C22orf42: variants seen among roughly 807,000 people sequenced by gnomAD.
The protein encoded by C22orf42 is chromosome 22 open reading frame 42.
Under a neutral mutation model 31.4 loss-of-function variants are expected in C22orf42, and 24 were observed. That is an observed-to-expected ratio of 0.77 (90% CI 0.55 to 1.08). The LOEUF (loss-of-function observed/expected upper bound fraction) is 1.08. Ranked by LOEUF, C22orf42 falls within the 50% of genes least tolerant of loss-of-function variation. The pLI is 0.00. For synonymous variants in C22orf42, 96 were observed against 112.7 expected (o/e 0.85, Z 0.94); for missense variants, 276 against 327.3 (o/e 0.84, Z 1.21).
upstream of C22orf42, chr22:32,159,783 G>A (rs1413990034): frequency 6.2e-6 from 1 of 160,414 alleles, no homozygotes; most frequent in African/African-American, 2.4e-5. Flanking sequence ...TCCCACTCTC[G>A]ATAAAGCGTG....
In C22orf42 at chr22:32,154,314, C is replaced by T; in HGVS notation, c.237G>A (p.Leu79=). 3 of 1,612,706 alleles carry T rather than the reference C, an allele frequency of 1.9e-6. No individual in the cohort carries two copies. The highest frequency in any genetic ancestry group is 2.5e-6 in the Non-Finnish European group (3 of 1,179,512). Residue 79 remains leucine, a synonymous_variant, in exon 2 of 9, where the codon TTG becomes TTA. Coordinates refer to ENST00000382097, the MANE Select transcript of C22orf42 (RefSeq NM_001010859.3). ...TPKMLKMSKG[L]DARSKRWLKI... is the part of the protein sequence containing the mutation. ...TTAACCAGCGCTTGGAGCGGGCGTC[C>T]AAACCTGCAAGGTAGAGCAGACTTC...
chr22:32,150,239 T>G lies in C22orf42; in HGVS notation c.654+80A>C. 4.9e-6 allele frequency: 7 copies of G among 1,417,622 alleles called. No homozygotes were observed. In the South Asian group the frequency reaches 8.5e-5, roughly 17 times the overall value. The allele number at this position is 1,417,622 out of a possible 1,614,324, so 87.8% of individuals were successfully genotyped here. On this transcript the variant is annotated intron_variant, in intron 7 of 8. Coordinates refer to ENST00000382097, the MANE Select transcript of C22orf42 (RefSeq NM_001010859.3). ...GTCTTCTATAATATACATGGTCAGA[T>G]TTTTATATCTTCATTTCATTAATAA...
chr22:32,155,287 G>C (rs5998257), intron 1 of C22orf42, among the ~76,000 whole-genome samples: 47,595 of 151,960 alleles, frequency 0.31, 7,727 homozygotes, highest in African/African-American at 0.39. Flanking sequence ...TACTCACCTG[G>C]TCTATTATCC....
intron 2 of C22orf42, among the ~76,000 whole-genome samples, chr22:32,152,842 C>G (rs573507571): frequency 6.6e-6 from 1 of 152,286 alleles, no homozygotes; most frequent in South Asian, 2.1e-4. Context: ...CTAGGGCAAC[C>G]TCATCAATGT....
At chr22:32,149,651 ATATAT>A (rs1569332054) in intron 8 of C22orf42, 38 bp from the exon 9 acceptor site, 5 of 1,059,848 alleles carry the variant, frequency 4.7e-6, no homozygotes, top group South Asian at 2.8e-5. Context: ...CAAAAAAAAA[ATATAT>A]ATATATATAT....
rs771594282 is a variant in C22orf42 at position 32,158,997 on chromosome 22, C to T, written c.219G>A (p.Leu73=). Residue 73 remains leucine (L), a synonymous_variant, in exon 1 of 9, where the codon CTG becomes CTA. Transcript: ENST00000382097. Reference sequence around the variant, plus strand: ...TGGCTTCTTTACCTTTGGACATCTTCAGCATCTTCGGCGTCTTCGGGAGGC... The same window carrying T: ...TGGCTTCTTTACCTTTGGACATCTTTAGCATCTTCGGCGTCTTCGGGAGGC... ...YLSLPKTPKM[L]KMSKGLDARS... is the part of the protein sequence containing the mutation. 5.0e-6 allele frequency: 8 copies of T among 1,613,982 alleles called. No homozygotes were observed. The highest frequency in any genetic ancestry group is 2.7e-5 in the African/African-American group (2 of 75,026).
chr22:32,158,976 T>G lies in C22orf42; in HGVS notation c.232+8A>C, dbSNP rs774132233. ...CCAGAGAGCAAATGGCACCCATGGC[T>G]TCTTTACCTTTGGACATCTTCAGCA... On this transcript the variant is annotated splice_region_variant and intron_variant, in intron 1 of 8. Transcript: ENST00000382097. The G allele has an allele frequency of 2.5e-6, 4 of 1,614,148 alleles. No homozygotes were observed. The East Asian group carries it at 8.9e-5, about 36-fold the overall frequency.
At position 32,149,735 on chromosome 22, in the gene C22orf42, A is replaced by G. The variant is rs1352710850; in HGVS notation, c.682+18T>C. 13 of 1,301,108 alleles carry G rather than the reference A, an allele frequency of 1.0e-5. No individual in the cohort carries two copies. The highest frequency in any genetic ancestry group is 1.3e-5 in the Non-Finnish European group (13 of 993,692). The allele number at this position is 1,301,108 out of a possible 1,614,324, so 80.6% of individuals were successfully genotyped here. On this transcript the variant is annotated intron_variant, in intron 8 of 8. Coordinates refer to ENST00000382097, the MANE Select transcript of C22orf42 (RefSeq NM_001010859.3). The stretch of plus-strand genomic sequence containing the variant: ...TCTACATATATATCTATATATATCT[A>G]GATATATATATACTTACAGAGGTAA...
chr22:32,150,545 G>T (rs1958016167), intron 6 of C22orf42, 66 bp from the exon 7 acceptor site: 3 of 1,540,116 alleles, frequency 1.9e-6, no homozygotes, highest in East Asian at 2.3e-5. Flanking sequence ...AGCCTTGGGG[G>T]ATGTGGACCA....
At chr22:32,158,772 A>G (rs1921413724) in intron 1 of C22orf42, among the ~76,000 whole-genome samples, 1 of 152,244 alleles carries the variant, frequency 6.6e-6, no homozygotes, top group South Asian at 2.1e-4. Context: ...GGCCGGGACT[A>G]GACCAAAAAG....
chr22:32,152,443 A>G (rs1364328653), intron 3 of C22orf42, 119 bp downstream of exon 3: 2 of 868,146 alleles, frequency 2.3e-6, no homozygotes, highest in East Asian at 2.5e-5. Flanking sequence ...CGGTCTCTAG[A>G]GTCCATGACA....
chr22:32,152,151 G>C lies in C22orf42; in HGVS notation c.373-57C>G, dbSNP rs1431899440. The C allele has an allele frequency of 7.6e-6, 12 of 1,574,976 alleles. No individual in the cohort carries two copies. In the East Asian group the frequency reaches 2.7e-4, roughly 35 times the overall value. ...TGAGGATCAGATCATGCTGGGTTCTGTTGGCAAAGGCCTTTTATTCACTTG... is the reference window on the plus strand; with the variant it reads ...TGAGGATCAGATCATGCTGGGTTCTCTTGGCAAAGGCCTTTTATTCACTTG... On this transcript the variant is annotated intron_variant, in intron 3 of 8. Coordinates refer to ENST00000382097, the MANE Select transcript of C22orf42 (RefSeq NM_001010859.3).
chr22:32,158,606 A>T (rs1049142535), intron 1 of C22orf42, among the ~76,000 whole-genome samples: 4 of 152,256 alleles, frequency 2.6e-5, no homozygotes, highest in African/African-American at 4.8e-5. Flanking sequence ...AGTCTAAATT[A>T]TCCCAATTAT....
chr22:32,149,492 T>C lies in C22orf42; in HGVS notation c.*48A>G. On this transcript the variant is annotated 3_prime_UTR_variant, in exon 9 of 9. Coordinates refer to ENST00000382097, the MANE Select transcript of C22orf42 (RefSeq NM_001010859.3). ...GGAAATATGCATTCATAAAATGATT[T>C]GAGCTGGGCGTGATGGCAGGCGTCT... The C allele has an allele frequency of 6.7e-7, 1 of 1,486,242 alleles. No individual in the cohort carries two copies. Among genetic ancestry groups the C allele is most frequent in the Non-Finnish European group, 9.0e-7 (1 of 1,110,020 alleles). The allele number at this position is 1,486,242 out of a possible 1,614,324, so 92.1% of individuals were successfully genotyped here.
At chr22:32,155,990 C>A (rs2091142802) in intron 1 of C22orf42, among the ~76,000 whole-genome samples, 1 of 152,178 alleles carries the variant, frequency 6.6e-6, no homozygotes, top group South Asian at 2.1e-4. Flanking sequence ...GAGCTATGAT[C>A]AGGCCACTGC....
chr22:32,151,166 A>T, intron 5 of C22orf42, 147 bp from the exon 6 acceptor site: 2 of 879,652 alleles, frequency 2.3e-6, no homozygotes, highest in Non-Finnish European at 1.8e-6. Flanking sequence ...AGCATAGAGG[A>T]TGCTTGTGGA....
At chr22:32,155,483 A>T (rs1421767306) in intron 1 of C22orf42, among the ~76,000 whole-genome samples, 4 of 151,262 alleles carry the variant, frequency 2.6e-5, no homozygotes, top group Non-Finnish European at 5.9e-5. Flanking sequence ...GACACACAGC[A>T]TACCATGGAG....
At chr22:32,159,460 G>A (rs2033548919), upstream of C22orf42, 5 of 1,380,016 alleles carry the variant, frequency 3.6e-6, no homozygotes, top group Admixed American at 1.5e-4. Context: ...TGCCCACCTT[G>A]TGGCCACCCT....
chr22:32,151,615 G>C, intron 4 of C22orf42, 64 bp from the exon 5 acceptor site: 2 of 1,533,906 alleles, frequency 1.3e-6, no homozygotes, highest in South Asian at 1.1e-5. Context: ...AAGGAGCCCT[G>C]GGGGATGTGG....
Sources: gnomAD v4.1 joint callset for allele counts (sites outside exome capture counted in the v4.1 genomes callset) on GRCh38, gnomAD v4.1.1 for gene constraint, MANE v1.5 for transcripts, NCBI Gene and HGNC (gene_info 2026-07-23, HGNC 2026-07-21) for gene names.